The following DUOX1 variants were observed in gnomAD, a reference collection of about 807,000 sequenced individuals.
DUOX1 encodes dual oxidase 1.
DUOX1 carries 134 observed loss-of-function variants against 181.8 expected under a neutral mutation model. The ratio of observed to expected loss-of-function variants is 0.74; its 90% CI spans 0.64 to 0.85. The LOEUF (loss-of-function observed/expected upper bound fraction) is 0.85, where lower values mean the gene tolerates loss of function less well. Ranked by LOEUF, DUOX1 falls within the 40% of genes least tolerant of loss-of-function variation. The probability of loss-of-function intolerance (pLI) is 0.00; values close to 1 mark genes in which losing one functional copy is unlikely to be tolerated. For missense variants in DUOX1, 1,814 were observed against 2,064.4 expected (o/e 0.88, Z 2.35); for synonymous variants, 798 against 832.5 (o/e 0.96, Z 0.71).
rs751128808 is a variant in DUOX1 at position 45,135,301 on chromosome 15, G to A, written c.495+10G>A. The A allele has an allele frequency of 5.6e-6, 9 of 1,595,028 alleles. No homozygotes were observed. In the South Asian group the frequency reaches 8.9e-5, roughly 16 times the overall value. Reference sequence around the variant, plus strand: ...CAATCCCCGGGACCCGGTGAGGCGGGGAAGGCGGCGGGAAGGGACCGCACC... The same window carrying A: ...CAATCCCCGGGACCCGGTGAGGCGGAGAAGGCGGCGGGAAGGGACCGCACC... On this transcript the variant is annotated intron_variant, in intron 5 of 33. Coordinates refer to ENST00000389037, the MANE Select transcript of DUOX1 (RefSeq NM_175940.3).
At chr15:45,164,447 C>T (rs1351362325) in intron 33 of DUOX1, among the ~76,000 whole-genome samples, 1 of 151,634 alleles carries the variant, frequency 6.6e-6, no homozygotes, top group East Asian at 1.9e-4. Flanking sequence ...CAAAGCAAAC[C>T]ATCAGGAGCA....
At position 45,141,305 on chromosome 15, in the gene DUOX1, A is replaced by G. The variant is rs1427308541; in HGVS notation, c.1579A>G (p.Lys527Glu). 6.2e-7 allele frequency: 1 copy of G among 1,614,050 alleles called. No homozygotes were observed. Among genetic ancestry groups the G allele is most frequent in the Non-Finnish European group, 8.5e-7 (1 of 1,180,010 alleles). ...ENTRNGLFSK[K>E]EIEEIRNTTL... ...ACTCCAACTTAGGCTGTTCTCCAAGAAGGAGATTGAAGAAATCCGAAATAC... is the reference window on the plus strand; with the variant it reads ...ACTCCAACTTAGGCTGTTCTCCAAGGAGGAGATTGAAGAAATCCGAAATAC... The change falls in exon 14 of 34, where the codon AAG (lysine) becomes GAG (glutamate). Residue 527 changes from lysine (K) to glutamate (E), a missense_variant. Coordinates refer to ENST00000389037, the MANE Select transcript of DUOX1 (RefSeq NM_175940.3).
chr15:45,136,539 A>G lies in DUOX1; in HGVS notation c.936A>G (p.Pro312=), dbSNP rs753993447. 4 of 1,614,084 alleles carry G rather than the reference A, an allele frequency of 2.5e-6. No homozygotes were observed. The highest frequency in any genetic ancestry group is 2.2e-5 in the East Asian group (1 of 44,874). ...KTLPEYTGYR[P]FLDPSISSEF... is the part of the protein sequence containing the mutation. ...CTCCTATTTCCCCAGGATACCGGCC[A>G]TTTCTGGACCCCAGCATCTCCTCAG... Residue 312 remains proline, a synonymous_variant, in exon 9 of 34, where the codon CCA becomes CCG. Transcript: ENST00000389037.
At chr15:45,156,083 A>G (rs1035573798) in intron 28 of DUOX1, among the ~76,000 whole-genome samples, 154 bp downstream of exon 28, 11 of 152,218 alleles carry the variant, frequency 7.2e-5, no homozygotes, top group Admixed American at 7.2e-4. Flanking sequence ...ATGATAGTAC[A>G]GGGCTCTCCA....
intron 16 of DUOX1, 80 bp downstream of exon 16, chr15:45,143,383 T>C (rs1896559531): frequency 8.6e-7 from 1 of 1,165,144 alleles, no homozygotes; most frequent in African/African-American, 1.5e-5. Flanking sequence ...CCCAGCAGCC[T>C]AAGGAAAAGG....
chr15:45,131,072 C>T (rs1404980698), intron 1 of DUOX1, among the ~76,000 whole-genome samples: 2 of 152,176 alleles, frequency 1.3e-5, no homozygotes, highest in Non-Finnish European at 2.9e-5. Flanking sequence ...TCTAGACAAC[C>T]CATCCAGGAA....
At chr15:45,152,776 GT>G (rs1182561934) in intron 25 of DUOX1, 2 of 574,840 alleles carry the variant, frequency 3.5e-6, no homozygotes, top group African/African-American at 3.7e-5. Flanking sequence ...TGTGCATAAT[GT>G]GTCAATTCTC....
chr15:45,134,367 T>C, intron 4 of DUOX1, 58 bp downstream of exon 4: 2 of 1,510,030 alleles, frequency 1.3e-6, no homozygotes, highest in Non-Finnish European at 1.8e-6. Flanking sequence ...CACCTCTGCA[T>C]GTGAAGAGGG....
chr15:45,143,677 A>G (rs993100317), intron 16 of DUOX1, among the ~76,000 whole-genome samples: 14 of 152,016 alleles, frequency 9.2e-5, no homozygotes, highest in African/African-American at 3.4e-4. Flanking sequence ...CACCACCACT[A>G]TGGGCTATTG....
At position 45,152,305 on chromosome 15, in the gene DUOX1, T is replaced by C. The variant is rs2141288629; in HGVS notation, c.3213T>C (p.His1071=). ...CCACAGACTACGCCTTTGCCGCACA[T>C]CACACGGGCATCACAGACACCACCC... ...ERAYYYAFAA[H]HTGITDTTRV... is the part of the protein sequence containing the mutation. Residue 1071 remains histidine, a synonymous_variant, in exon 25 of 34, where the codon CAT becomes CAC. Transcript: ENST00000389037. The C allele has an allele frequency of 6.2e-7, 1 of 1,613,964 alleles. No individual in the cohort carries two copies. Among genetic ancestry groups the C allele is most frequent in the Non-Finnish European group, 8.5e-7 (1 of 1,179,954 alleles).
chr15:45,138,890 A>ACCC, intron 10 of DUOX1, 176 bp from the exon 11 acceptor site: 3 of 608,338 alleles, frequency 4.9e-6, no homozygotes, highest in Non-Finnish European at 8.7e-6. Context: ...CAGAGGGGAC[A>ACCC]CCCCTCACCC....
At chr15:45,138,312 G>A (rs879166556) in intron 10 of DUOX1, among the ~76,000 whole-genome samples, 10 of 152,126 alleles carry the variant, frequency 6.6e-5, no homozygotes, top group Admixed American at 2.0e-4. Flanking sequence ...TTCCGCCTTC[G>A]TTGCTCCCTC....
intron 27 of DUOX1, among the ~76,000 whole-genome samples, chr15:45,154,597 T>TTG (rs1404310160): frequency 1.3e-4 from 18 of 142,950 alleles, no homozygotes; most frequent in African/African-American, 4.2e-4. Context: ...ACAGCATGGT[T>TTG]TTTTTTTTTT....
At chr15:45,151,291 C>T (rs764929564) in intron 23 of DUOX1, 43 bp downstream of exon 23, 1 of 1,600,050 alleles carries the variant, frequency 6.2e-7, no homozygotes, top group Non-Finnish European at 8.5e-7. Context: ...TTCATCCATT[C>T]CTTCAGCTTA....
At chr15:45,154,091 T>C (rs1896907470) in intron 27 of DUOX1, 91 bp downstream of exon 27, 2 of 1,202,668 alleles carry the variant, frequency 1.7e-6, no homozygotes, top group Non-Finnish European at 2.5e-6. Flanking sequence ...CCACGTTCAC[T>C]CACTCAGCTC....
intron 15 of DUOX1, among the ~76,000 whole-genome samples, chr15:45,142,568 A>G (rs1455539434): frequency 6.6e-6 from 1 of 152,072 alleles, no homozygotes; most frequent in South Asian, 2.1e-4. Context: ...TCTCCTAAAA[A>G]TACAAAATTA....
At chr15:45,136,071 G>A (rs919186132) in intron 7 of DUOX1, 123 bp downstream of exon 7, 17 of 1,530,108 alleles carry the variant, frequency 1.1e-5, no homozygotes, top group African/African-American at 4.2e-5. Flanking sequence ...CCAGACAGCC[G>A]AGGTCCAGGG....
At chr15:45,134,542 T>G (rs1595574745) in intron 4 of DUOX1, among the ~76,000 whole-genome samples, 1 of 148,736 alleles carries the variant, frequency 6.7e-6, no homozygotes, top group African/African-American at 2.5e-5. Flanking sequence ...AGATGAGGGG[T>G]GGGGTTAGGG....
chr15:45,140,044 C>T, intron 12 of DUOX1: 1 of 1,370,870 alleles, frequency 7.3e-7, no homozygotes, highest in Non-Finnish European at 9.8e-7. Context: ...GCCCAGCATG[C>T]CTTACCCATT....
Sources: gnomAD v4.1 joint callset for allele counts (sites outside exome capture counted in the v4.1 genomes callset) on GRCh38, gnomAD v4.1.1 for gene constraint, MANE v1.5 for transcripts, NCBI Gene and HGNC (gene_info 2026-07-23, HGNC 2026-07-21) for gene names.